The following CNTN5 variants were observed in gnomAD, a reference collection of about 807,000 sequenced individuals.
The protein encoded by CNTN5 is contactin-5.
CNTN5 carries 77 observed loss-of-function variants against 129.1 expected under a neutral mutation model. That is an observed-to-expected ratio of 0.60 (90% CI 0.50 to 0.72). The LOEUF (loss-of-function observed/expected upper bound fraction) is 0.72, where lower values mean the gene tolerates loss of function less well. Ranked by LOEUF, CNTN5 falls within the 30% of genes least tolerant of loss-of-function variation. The pLI is 0.00. For synonymous variants in CNTN5, 509 were observed against 465.6 expected (o/e 1.09, Z -1.20); for missense variants, 1,478 against 1,328.8 (o/e 1.11, Z -1.75).
intron 3 of CNTN5, among the ~76,000 whole-genome samples, chr11:99,719,321 A>G (rs1943089529): frequency 6.6e-6 from 1 of 152,026 alleles, no homozygotes; most frequent in Non-Finnish European, 1.5e-5. Flanking sequence ...CTTTGTCGGG[A>G]AAAAGAAAAT....
At chr11:99,096,855 G>T (rs1157407610) in intron 1 of CNTN5, among the ~76,000 whole-genome samples, 1 of 151,762 alleles carries the variant, frequency 6.6e-6, no homozygotes, top group African/African-American at 2.4e-5. Context: ...TTATATGACA[G>T]GCTTTAGTTT....
chr11:99,163,353 T>G (rs1860710396), intron 1 of CNTN5, among the ~76,000 whole-genome samples: 1 of 152,116 alleles, frequency 6.6e-6, no homozygotes, highest in South Asian at 2.1e-4. Context: ...TCCTTTTGGT[T>G]GAATTAGATA....
At chr11:99,459,921 G>A (rs1944631354) in intron 2 of CNTN5, among the ~76,000 whole-genome samples, 1 of 151,872 alleles carries the variant, frequency 6.6e-6, no homozygotes, top group South Asian at 2.1e-4. Context: ...TATGCCTTAA[G>A]TCATAACAAA....
chr11:99,965,444 T>C (rs1276072804), intron 8 of CNTN5, among the ~76,000 whole-genome samples: 1 of 151,582 alleles, frequency 6.6e-6, no homozygotes, highest in East Asian at 1.9e-4. Context: ...GAGCAGGTTG[T>C]TCAGTTTCCA....
At chr11:99,292,822 G>A (rs1864226281) in intron 1 of CNTN5, among the ~76,000 whole-genome samples, 1 of 151,812 alleles carries the variant, frequency 6.6e-6, no homozygotes, top group South Asian at 2.1e-4. Context: ...TAGAGTAGAA[G>A]AAAGTATAGG....
intron 2 of CNTN5, among the ~76,000 whole-genome samples, chr11:99,461,707 AT>A (rs35295805): frequency 2.0e-5 from 3 of 150,884 alleles, no homozygotes; most frequent in Admixed American, 6.6e-5. Context: ...TTTGATTAGC[AT>A]TTTTTTTTCT....
chr11:99,217,756 A>G (rs1860202493), intron 1 of CNTN5, among the ~76,000 whole-genome samples: 1 of 152,038 alleles, frequency 6.6e-6, no homozygotes. Flanking sequence ...CCACTCATCT[A>G]GTAGGTTTTC....
At chr11:100,277,541 T>C (rs540386402) in intron 18 of CNTN5, among the ~76,000 whole-genome samples, 199 of 152,314 alleles carry the variant, frequency 1.3e-3, no homozygotes, top group African/African-American at 4.7e-3. Context: ...TACATCTTAT[T>C]GAAGTTTTGA....
intron 7 of CNTN5, among the ~76,000 whole-genome samples, chr11:99,931,711 C>T (rs910633412): frequency 1.3e-5 from 2 of 152,142 alleles, no homozygotes; most frequent in Admixed American, 6.5e-5. Context: ...AGTGGTCAAC[C>T]AGTCAAATTA....
chr11:100,082,162 G>T (rs558838994), intron 13 of CNTN5, among the ~76,000 whole-genome samples: 2 of 152,262 alleles, frequency 1.3e-5, no homozygotes, highest in East Asian at 3.9e-4. Flanking sequence ...TAAATATCAG[G>T]AGTTGCAAAG....
intron 1 of CNTN5, among the ~76,000 whole-genome samples, chr11:99,269,799 T>A (rs1391885242): frequency 6.6e-6 from 1 of 151,906 alleles, no homozygotes; most frequent in Non-Finnish European, 1.5e-5. Context: ...ATTGTGTCTC[T>A]TAGAGGAAAA....
rs201870927 is a variant in CNTN5 at position 100,028,073 on chromosome 11, T to TG, written c.980+25940dup. Among the ~76,000 whole-genome samples, 1,145 of 151,996 alleles carry TG rather than the reference T, an allele frequency of 7.5e-3. 14 individuals are homozygous for TG. The highest frequency in any genetic ancestry group is 9.0e-3 in the Non-Finnish European group (614 of 67,972). Reference sequence around the variant, plus strand: ...TACCTGTCCTTATTTGAATAAATTATGGGAAAAAAAACAGCAACTGAAAGG... The same window carrying TG: ...TACCTGTCCTTATTTGAATAAATTATGGGGAAAAAAAACAGCAACTGAAAGG... On this transcript the variant is annotated intron_variant, in intron 9 of 24. Coordinates refer to ENST00000524871, the MANE Select transcript of CNTN5 (RefSeq NM_014361.4).
intron 1 of CNTN5, among the ~76,000 whole-genome samples, chr11:99,186,934 A>C (rs1332626353): frequency 6.6e-6 from 1 of 151,988 alleles, no homozygotes; most frequent in Non-Finnish European, 1.5e-5. Context: ...AAGTAGATAG[A>C]GAAATGAGGG....
chr11:99,098,580 G>C (rs188646410), intron 1 of CNTN5, among the ~76,000 whole-genome samples: 2 of 152,196 alleles, frequency 1.3e-5, no homozygotes, highest in African/African-American at 4.8e-5. Context: ...AAAACTGCTA[G>C]TAACTGCTGT....
At chr11:99,139,334 G>A (rs1372508732) in intron 1 of CNTN5, among the ~76,000 whole-genome samples, 1 of 152,158 alleles carries the variant, frequency 6.6e-6, no homozygotes, top group African/African-American at 2.4e-5. Flanking sequence ...GGCTTTGGCA[G>A]AGAAACTTGC....
intron 1 of CNTN5, among the ~76,000 whole-genome samples, chr11:99,273,174 G>A (rs1319839597): frequency 6.6e-6 from 1 of 151,706 alleles, no homozygotes; most frequent in African/African-American, 2.4e-5. Flanking sequence ...ATGGGAAAAA[G>A]CCAAAAACAG....
chr11:99,519,249 A>C (rs933418258), intron 2 of CNTN5, among the ~76,000 whole-genome samples: 7 of 151,982 alleles, frequency 4.6e-5, no homozygotes, highest in Admixed American at 4.6e-4. Context: ...TCTCAGCTCA[A>C]GCTAACTTCT....
At chr11:100,268,294 A>G (rs1203003066) in intron 17 of CNTN5, among the ~76,000 whole-genome samples, 2 of 152,162 alleles carry the variant, frequency 1.3e-5, no homozygotes, top group Admixed American at 6.5e-5. Context: ...ATTGGCATAT[A>G]AATAATTTAA....
intron 3 of CNTN5, among the ~76,000 whole-genome samples, chr11:99,576,193 G>A (rs936277446): frequency 6.6e-6 from 1 of 152,178 alleles, no homozygotes; most frequent in Non-Finnish European, 1.5e-5. Context: ...AGGAATGAGA[G>A]ATTGAATTTT....
Sources: gnomAD v4.1 joint callset for allele counts (sites outside exome capture counted in the v4.1 genomes callset) on GRCh38, gnomAD v4.1.1 for gene constraint, MANE v1.5 for transcripts, NCBI Gene and HGNC (gene_info 2026-07-23, HGNC 2026-07-21) for gene names.